Variants in DNAH6 observed in about 807,000 individuals in gnomAD.
The protein encoded by DNAH6 is dynein axonemal heavy chain 6, also known as axonemal beta dynein heavy chain 6.
Under a neutral mutation model 491.4 loss-of-function variants are expected in DNAH6, and 340 were observed. The ratio of observed to expected loss-of-function variants is 0.69; its 90% CI spans 0.63 to 0.76. The LOEUF (loss-of-function observed/expected upper bound fraction) is 0.76, where lower values mean the gene tolerates loss of function less well. Ranked by LOEUF, DNAH6 falls within the 30% of genes least tolerant of loss-of-function variation. DNAH6 has a pLI of 0.00. For missense variants in DNAH6, 4,443 were observed against 4,972.2 expected, an observed-to-expected ratio of 0.89 and a Z score of 3.20; for synonymous variants, 1,603 against 1,686.1, an observed-to-expected ratio of 0.95 and a Z score of 1.21.
chr2:84,750,605 G>C (rs1673377759), intron 63 of DNAH6, among the ~76,000 whole-genome samples: 1 of 152,174 alleles, frequency 6.6e-6, no homozygotes, highest in Admixed American at 6.5e-5. Context: ...GAGGGAGTGG[G>C]TGGGTGTGTT....
chr2:84,555,637 G>A (rs1408083530), intron 10 of DNAH6, among the ~76,000 whole-genome samples: 1 of 151,814 alleles, frequency 6.6e-6, no homozygotes, highest in African/African-American at 2.4e-5. Flanking sequence ...TTTCTTTTAA[G>A]CCCCACTCAT....
intron 70 of DNAH6, among the ~76,000 whole-genome samples, chr2:84,800,395 ATG>A (rs1678776505): frequency 6.6e-6 from 1 of 152,214 alleles, no homozygotes; most frequent in Non-Finnish European, 1.5e-5. Context: ...TTCCCTAGCA[ATG>A]GATCCTATTC....
In DNAH6 at chr2:84,767,879, A is replaced by G. The variant is rs562386255; in HGVS notation, c.10703+4934A>G. On this transcript the variant is annotated intron_variant, in intron 64 of 76. Transcript: ENST00000389394. ...ACCCATTACAGTGAATTGTGGGGGG[A>G]AAAAAAAGAACATATTAAAAACAGA... Among the ~76,000 whole-genome samples, 33 of 151,832 alleles carry G rather than the reference A, an allele frequency of 2.2e-4. No individual in the cohort carries two copies. In the South Asian group the frequency reaches 3.5e-3, roughly 16 times the overall value.
intron 17 of DNAH6, among the ~76,000 whole-genome samples, 161 bp downstream of exon 17, chr2:84,594,246 G>A (rs1684365191): frequency 2.3e-4 from 1 of 4,356 alleles, no homozygotes; most frequent in Non-Finnish European, 4.2e-4. Context: ...GCTTTCCAGT[G>A]AAAGGCACAA....
chr2:84,464,511 A>T, the DNAH6 span, among the ~76,000 whole-genome samples: 6 of 152,336 alleles, frequency 3.9e-5, no homozygotes, highest in East Asian at 1.2e-3. Flanking sequence ...AAGCAAGTTT[A>T]TTAAGAAAGT....
chr2:84,697,733 A>T lies in DNAH6; in HGVS notation c.7677+6A>T. On this transcript the variant is annotated splice_donor_region_variant and intron_variant, in intron 47 of 76. Transcript: ENST00000389394. ...CTGAGGGGAACAGAGACGAGGTAGGATGTGCCAGAGTAGTTATGTGGCTTT... is the reference window on the plus strand; with the variant it reads ...CTGAGGGGAACAGAGACGAGGTAGGTTGTGCCAGAGTAGTTATGTGGCTTT... The T allele has an allele frequency of 1.3e-6, 2 of 1,551,652 alleles. No individual in the cohort carries two copies. Among genetic ancestry groups the T allele is most frequent in the African/African-American group, 2.7e-5 (2 of 73,100 alleles).
At chr2:84,636,894 CAA>C (rs34526526) in intron 30 of DNAH6, among the ~76,000 whole-genome samples, 1 of 143,934 alleles carries the variant, frequency 6.9e-6, no homozygotes, top group Non-Finnish European at 1.5e-5. Context: ...GACCCTGTCT[CAA>C]AAAAAAAAAT....
At chr2:84,664,612 C>T (rs2104625345) in intron 37 of DNAH6, among the ~76,000 whole-genome samples, 2 of 152,226 alleles carry the variant, frequency 1.3e-5, no homozygotes, top group East Asian at 3.9e-4. Context: ...TCCTTAGAGA[C>T]CTACAAAGAG....
intron 62 of DNAH6, among the ~76,000 whole-genome samples, chr2:84,738,654 C>T (rs765821471): frequency 6.6e-6 from 1 of 151,968 alleles, no homozygotes; most frequent in African/African-American, 2.4e-5. Context: ...AGAACAGTAA[C>T]CCTTGCTTTT....
rs1383816387 is a variant in DNAH6 at position 84,814,142 on chromosome 2, T to C, written c.12150+20T>C. ...ATGGAGGTATTGTCCACCTGGCTGT[T>C]ATGGCAAAGCAGCTTCTATCCCACT... On this transcript the variant is annotated intron_variant, in intron 75 of 76. Coordinates refer to ENST00000389394, the MANE Select transcript of DNAH6 (RefSeq NM_001370.2). The C allele has an allele frequency of 1.4e-5, 22 of 1,548,708 alleles. No homozygotes were observed. The highest frequency in any genetic ancestry group is 1.9e-5 in the Non-Finnish European group (22 of 1,144,882).
intron 29 of DNAH6, among the ~76,000 whole-genome samples, chr2:84,633,649 C>T (rs1688603988): frequency 6.6e-6 from 1 of 151,896 alleles, no homozygotes. Flanking sequence ...CTGCAATTCT[C>T]CCTTCTCAGT....
At chr2:84,490,601 ACCC>A in the DNAH6 span, among the ~76,000 whole-genome samples, 3 of 152,076 alleles carry the variant, frequency 2.0e-5, no homozygotes, top group Non-Finnish European at 4.4e-5. Context: ...TCACTCTGTC[ACCC>A]AGGATGGAGT....
intron 32 of DNAH6, 125 bp downstream of exon 32, chr2:84,640,703 C>T: frequency 1.1e-6 from 1 of 917,142 alleles, no homozygotes; most frequent in Non-Finnish European, 1.6e-6. Context: ...CTGTTGTCAT[C>T]ATTCTTACCT....
intron 42 of DNAH6, among the ~76,000 whole-genome samples, chr2:84,684,210 A>G (rs1694071158): frequency 6.6e-6 from 1 of 152,210 alleles, no homozygotes; most frequent in Non-Finnish European, 1.5e-5. Flanking sequence ...CAATTTTCCT[A>G]GAAAACATTA....
At chr2:84,674,258 A>G (rs1693016569) in intron 40 of DNAH6, among the ~76,000 whole-genome samples, 1 of 152,198 alleles carries the variant, frequency 6.6e-6, no homozygotes, top group South Asian at 2.1e-4. Context: ...AGGTCACACT[A>G]CTGGCAAGTG....
In DNAH6 at chr2:84,624,590, A is replaced by G. The variant is rs757548479; in HGVS notation, c.4323A>G (p.Ala1441=). Residue 1441 remains alanine (A), a synonymous_variant, in exon 28 of 77, where the codon GCA becomes GCG. Coordinates refer to ENST00000389394, the MANE Select transcript of DNAH6 (RefSeq NM_001370.2). Reference sequence around the variant, plus strand: ...CTTATGGCTATGAATATTTGGGTGCATGCCCAAGATTGGTTATTACTCCAC... The same window carrying G: ...CTTATGGCTATGAATATTTGGGTGCGTGCCCAAGATTGGTTATTACTCCAC... ...QYTYGYEYLG[A]CPRLVITPLT... The G allele has an allele frequency of 3.9e-6, 6 of 1,551,486 alleles. No homozygotes were observed. The highest frequency in any genetic ancestry group is 2.4e-5 in the South Asian group (2 of 84,046).
At chr2:84,562,353 C>T (rs929989996) in intron 11 of DNAH6, among the ~76,000 whole-genome samples, 1 of 151,916 alleles carries the variant, frequency 6.6e-6, no homozygotes, top group Non-Finnish European at 1.5e-5. Context: ...TAAATGAGCT[C>T]AATTCATCTA....
At chr2:84,678,136 C>G (rs576396229) in intron 41 of DNAH6, among the ~76,000 whole-genome samples, 1 of 152,286 alleles carries the variant, frequency 6.6e-6, no homozygotes, top group East Asian at 1.9e-4. Flanking sequence ...TAGCTTATTT[C>G]TGTGGGAAAT....
intron 37 of DNAH6, 69 bp downstream of exon 37, chr2:84,659,238 T>A: frequency 1.1e-6 from 1 of 937,118 alleles, no homozygotes; most frequent in Non-Finnish European, 1.5e-6. Flanking sequence ...ATTAAAACTT[T>A]AAAAGCTTTA....
Sources: gnomAD v4.1 joint callset for allele counts (sites outside exome capture counted in the v4.1 genomes callset) on GRCh38, gnomAD v4.1.1 for gene constraint, MANE v1.5 for transcripts, NCBI Gene and HGNC (gene_info 2026-07-23, HGNC 2026-07-21) for gene names.